HMGCLL1: variants seen among roughly 807,000 people sequenced by gnomAD.
HMGCLL1 encodes the protein 3-hydroxymethyl-3-methylglutaryl-CoA lyase, cytoplasmic.
Under a neutral mutation model 39.1 loss-of-function variants are expected in HMGCLL1, and 36 were observed. The ratio of observed to expected loss-of-function variants is 0.92; its 90% CI spans 0.71 to 1.22. The LOEUF (loss-of-function observed/expected upper bound fraction) is 1.22. Among genes scored for constraint, HMGCLL1 ranks in the 50% most tolerant of loss-of-function variants. HMGCLL1 has a pLI of 0.00. For synonymous variants in HMGCLL1, 149 were observed against 144.0 expected (o/e 1.03, Z -0.25); for missense variants, 451 against 416.5 (o/e 1.08, Z -0.72).
At chr6:55,463,253 A>G (rs1009028925) in intron 7 of HMGCLL1, among the ~76,000 whole-genome samples, 2 of 151,844 alleles carry the variant, frequency 1.3e-5, no homozygotes, top group Non-Finnish European at 2.9e-5. Context: ...GCTGGTCTCG[A>G]ACTCCTGACC....
intron 1 of HMGCLL1, among the ~76,000 whole-genome samples, chr6:55,572,605 C>G (rs1771564787): frequency 1.3e-5 from 2 of 152,014 alleles, no homozygotes; most frequent in East Asian, 3.9e-4. Context: ...TTTATTCTTT[C>G]TTTGTAATTC....
chr6:55,539,411 T>A (rs1327506076), intron 3 of HMGCLL1, among the ~76,000 whole-genome samples: 2 of 152,194 alleles, frequency 1.3e-5, no homozygotes, highest in Non-Finnish European at 2.9e-5. Context: ...GCAGCACTAT[T>A]CACAACAGTA....
At chr6:55,610,935 T>G in the HMGCLL1 span, among the ~76,000 whole-genome samples, 1 of 152,110 alleles carries the variant, frequency 6.6e-6, no homozygotes, top group Admixed American at 6.6e-5. Context: ...CCCACCAAAC[T>G]AAGCTTCATA....
intron 1 of HMGCLL1, among the ~76,000 whole-genome samples, chr6:55,575,144 C>T (rs1003041212): frequency 6.6e-6 from 1 of 151,986 alleles, no homozygotes; most frequent in African/African-American, 2.4e-5. Flanking sequence ...CTTCATTATA[C>T]TCTTTTTAAC....
At chr6:55,676,340 C>T in the HMGCLL1 span, among the ~76,000 whole-genome samples, 1 of 152,160 alleles carries the variant, frequency 6.6e-6, no homozygotes, top group Admixed American at 6.5e-5. Flanking sequence ...CTTCATTTCT[C>T]TTCCTCCCTC....
chr6:55,455,512 G>C (rs150338495), intron 7 of HMGCLL1, among the ~76,000 whole-genome samples: 1 of 152,104 alleles, frequency 6.6e-6, no homozygotes, highest in Non-Finnish European at 1.5e-5. Flanking sequence ...GAGAAAACTC[G>C]CATGTCTAGA....
intron 1 of HMGCLL1, among the ~76,000 whole-genome samples, chr6:55,544,253 T>C (rs932559214): frequency 6.6e-6 from 1 of 152,120 alleles, no homozygotes; most frequent in African/African-American, 2.4e-5. Flanking sequence ...GTTTAGAAGA[T>C]ATATTTGCCT....
At chr6:55,563,446 T>C (rs1336870691) in intron 1 of HMGCLL1, among the ~76,000 whole-genome samples, 1 of 152,170 alleles carries the variant, frequency 6.6e-6, no homozygotes, top group African/African-American at 2.4e-5. Flanking sequence ...ATGGAAATTC[T>C]ATGTTTTATT....
At chr6:55,639,291 T>C in the HMGCLL1 span, among the ~76,000 whole-genome samples, 1 of 151,902 alleles carries the variant, frequency 6.6e-6, no homozygotes, top group Admixed American at 6.6e-5. Flanking sequence ...GACAGTACCT[T>C]ATTAGCAAAC....
intron 1 of HMGCLL1, among the ~76,000 whole-genome samples, chr6:55,572,604 T>C (rs1447288627): frequency 6.6e-6 from 1 of 152,154 alleles, no homozygotes; most frequent in Non-Finnish European, 1.5e-5. Context: ...TTTTATTCTT[T>C]CTTTGTAATT....
the HMGCLL1 span, among the ~76,000 whole-genome samples, chr6:55,641,910 ATTT>A: frequency 8.2e-6 from 1 of 122,440 alleles, no homozygotes; most frequent in Admixed American, 8.1e-5. Context: ...TTATTTATTT[ATTT>A]ATTTTTTATT....
upstream of HMGCLL1, among the ~76,000 whole-genome samples, chr6:55,582,859 G>A (rs1426524211): frequency 1.3e-5 from 2 of 151,636 alleles, no homozygotes; most frequent in African/African-American, 4.8e-5. Context: ...TACGATACCT[G>A]TATATATGTA....
At chr6:55,535,025 T>C (rs2127451523) in intron 3 of HMGCLL1, among the ~76,000 whole-genome samples, 1 of 152,342 alleles carries the variant, frequency 6.6e-6, no homozygotes, top group East Asian at 1.9e-4. Context: ...TGTATGCTTG[T>C]TCTCAATTTT....
chr6:55,587,269 A>T, the HMGCLL1 span, among the ~76,000 whole-genome samples: 3 of 151,850 alleles, frequency 2.0e-5, no homozygotes, highest in African/African-American at 7.3e-5. Context: ...AATTTGTTTG[A>T]GTTCTTTGTA....
the HMGCLL1 span, among the ~76,000 whole-genome samples, chr6:55,613,446 A>G: frequency 2.0e-5 from 3 of 152,160 alleles, no homozygotes; most frequent in African/African-American, 2.4e-5. Flanking sequence ...ATTACTGGCT[A>G]TATACCCAAA....
At chr6:55,639,949 G>C in the HMGCLL1 span, among the ~76,000 whole-genome samples, 1 of 151,940 alleles carries the variant, frequency 6.6e-6, no homozygotes, top group Non-Finnish European at 1.5e-5. Flanking sequence ...GTGGTGGCAT[G>C]TGCCTGTAAT....
chr6:55,593,693 A>T, the HMGCLL1 span, among the ~76,000 whole-genome samples: 3 of 152,110 alleles, frequency 2.0e-5, no homozygotes, highest in African/African-American at 7.2e-5. Flanking sequence ...GGTATATATT[A>T]TCTTTCCAGT....
At chr6:55,516,636 A>G in intron 3 of HMGCLL1, 33 bp from the exon 4 acceptor site, 1 of 1,355,460 alleles carries the variant, frequency 7.4e-7, no homozygotes, top group South Asian at 1.3e-5. Flanking sequence ...GTAAATGTGT[A>G]ACTTCGAATA....
chr6:55,529,679 C>A (rs1404953480), intron 3 of HMGCLL1, among the ~76,000 whole-genome samples: 1 of 152,144 alleles, frequency 6.6e-6, no homozygotes, highest in Non-Finnish European at 1.5e-5. Context: ...TTTTATAACT[C>A]ATTTACAGAT....
Sources: allele counts gnomAD v4.1 joint callset (sites outside exome capture counted in the v4.1 genomes callset), GRCh38; gene constraint gnomAD v4.1.1; transcripts MANE v1.5; gene names NCBI Gene and HGNC (gene_info 2026-07-23, HGNC 2026-07-21).